SDK2: variants seen among roughly 807,000 people sequenced by gnomAD.
The protein encoded by SDK2 is protein sidekick-2.
Under a neutral mutation model 253.9 loss-of-function variants are expected in SDK2, and 105 were observed. That is an observed-to-expected ratio of 0.41 (90% CI 0.35 to 0.49). The LOEUF is 0.49. SDK2 is among the 20% of genes least tolerant of loss of function. The probability of loss-of-function intolerance (pLI) is 0.06; values close to 1 mark genes in which losing one functional copy is unlikely to be tolerated. For missense variants in SDK2, 2,608 were observed against 3,003.0 expected (o/e 0.87, Z 3.07); for synonymous variants, 1,249 against 1,234.9 (o/e 1.01, Z -0.24).
chr17:73,456,169 C>T, intron 3 of SDK2, 116 bp from the exon 4 acceptor site: 1 of 1,191,976 alleles, frequency 8.4e-7, no homozygotes, highest in Non-Finnish European at 1.1e-6. Context: ...GACAGGATGA[C>T]CACAGGGAAG....
chr17:73,472,013 T>C (rs1221133186), intron 3 of SDK2, 99 bp downstream of exon 3: 20 of 857,994 alleles, frequency 2.3e-5, no homozygotes, highest in Non-Finnish European at 3.5e-5. Context: ...TGGGTGTTGA[T>C]GGCCATGACG....
intron 27 of SDK2, 83 bp from the exon 28 acceptor site, chr17:73,391,621 G>T (rs1056845696): frequency 1.5e-6 from 1 of 655,284 alleles, no homozygotes; most frequent in Non-Finnish European, 2.2e-6. Context: ...GAGCAGCCTG[G>T]CAGGGTGGAG....
chr17:73,408,350 T>C (rs992065954), intron 18 of SDK2, among the ~76,000 whole-genome samples: 1 of 151,186 alleles, frequency 6.6e-6, no homozygotes, highest in African/African-American at 2.4e-5. Flanking sequence ...CCCGAGTAGC[T>C]GGGACTACAG....
intron 2 of SDK2, among the ~76,000 whole-genome samples, chr17:73,493,416 G>T (rs1200421363): frequency 6.6e-6 from 1 of 152,214 alleles, no homozygotes; most frequent in African/African-American, 2.4e-5. Flanking sequence ...GGGCCCCAGG[G>T]CTGCCAGGAT....
intron 18 of SDK2, 96 bp from the exon 19 acceptor site, chr17:73,402,237 C>T: frequency 7.5e-7 from 1 of 1,339,670 alleles, no homozygotes; most frequent in Non-Finnish European, 1.0e-6. Flanking sequence ...AGATGGTGTC[C>T]GGGGACCGGA....
intron 4 of SDK2, among the ~76,000 whole-genome samples, chr17:73,454,151 G>A (rs1567782220): frequency 6.6e-6 from 1 of 152,212 alleles, no homozygotes; most frequent in East Asian, 1.9e-4. Context: ...CTAGGTGTGT[G>A]TTCACACAAC....
chr17:73,387,661 G>A (rs2062883873), intron 30 of SDK2, among the ~76,000 whole-genome samples, 175 bp downstream of exon 30: 1 of 152,204 alleles, frequency 6.6e-6, no homozygotes, highest in African/African-American at 2.4e-5. Flanking sequence ...GAGCAGGATA[G>A]AGCTGATTTG....
rs2063980766 is a variant in SDK2, at chr17:73,511,555, G to T, written c.65-3958C>A. ...TGACTCTGGGGAGGAGGAGAGGGAA[G>T]GGGAGGCCTTTCCCTGAGAGCCTGC... On this transcript the variant is annotated intron_variant, in intron 1 of 44. Transcript: ENST00000392650. This position sits in a 1 kb window ranked among gnomAD's most constrained non-coding sequence, Gnocchi z 4.9. Among the ~76,000 whole-genome samples, 1 of 152,168 alleles carries T rather than the reference G, an allele frequency of 6.6e-6. No homozygotes were observed. The highest frequency in any genetic ancestry group is 1.5e-5 in the Non-Finnish European group (1 of 68,010).
rs539853362 is a variant in SDK2 at position 73,419,282 on chromosome 17, G to C, written c.2070C>G (p.Pro690=). The part of the protein sequence containing the change: ...TERVSLPEEP[P]TAPPQNVIAS... ...CGATGACGTTCTGTGGAGGGGCCGT[G>C]GGGGGCTCCTCGGGGAGGGAGACCC... The change falls in exon 16 of 45, where the codon CCC becomes CCG. Residue 690 remains proline, a synonymous_variant. Coordinates refer to ENST00000392650, the MANE Select transcript of SDK2 (RefSeq NM_001144952.2). 1.9e-6 allele frequency: 3 copies of C among 1,612,712 alleles called. No homozygotes were observed. Among genetic ancestry groups the C allele is most frequent in the African/African-American group, 1.3e-5 (1 of 75,002 alleles).
chr17:73,605,720 T>G (rs1479001758), intron 1 of SDK2, among the ~76,000 whole-genome samples: 1 of 151,886 alleles, frequency 6.6e-6, no homozygotes, highest in East Asian at 1.9e-4. Flanking sequence ...GGCACCGGGA[T>G]GACCTGTTTG....
chr17:73,419,923 A>C (rs887843259), intron 15 of SDK2, among the ~76,000 whole-genome samples: 12 of 150,744 alleles, frequency 8.0e-5, no homozygotes, highest in Non-Finnish European at 1.5e-4. Flanking sequence ...GGTGCCGTTG[A>C]GGGATGTAAG....
chr17:73,636,382 G>A (rs373510065), intron 1 of SDK2, among the ~76,000 whole-genome samples: 2 of 152,162 alleles, frequency 1.3e-5, no homozygotes, highest in East Asian at 1.9e-4. Flanking sequence ...CTAAACTGGG[G>A]AAGAAGCAAA....
rs1193221703 is a variant in SDK2 at position 73,395,731 on chromosome 17, T to C, written c.3355-339A>G. On this transcript the variant is annotated intron_variant, in intron 24 of 44. Transcript: ENST00000392650. This position sits in a 1 kb window ranked among gnomAD's most constrained non-coding sequence, Gnocchi z 4.3. ...CCGCCACCTTTGGCTCTGCTGTCTC[T>C]GCTGCTTACCTCTGTCACTCAGGCT... Among the ~76,000 whole-genome samples the C allele has an allele frequency of 6.6e-6, 1 of 152,250 alleles. No individual in the cohort carries two copies. The highest frequency in any genetic ancestry group is 1.9e-4 in the East Asian group (1 of 5,198).
intron 33 of SDK2, among the ~76,000 whole-genome samples, chr17:73,381,435 A>G (rs2062829723): frequency 6.6e-6 from 1 of 152,158 alleles, no homozygotes; most frequent in South Asian, 2.1e-4. Flanking sequence ...AGAAGGAAAA[A>G]AAGTCCACCA....
intron 12 of SDK2, 75 bp downstream of exon 12, chr17:73,430,436 A>G (rs2063317073): frequency 1.8e-6 from 2 of 1,130,026 alleles, no homozygotes; most frequent in Admixed American, 2.0e-5. Flanking sequence ...CCTAATGTGG[A>G]CACTCGCCCA....
rs754435436 is a variant in SDK2, at chr17:73,422,330, C to A, written c.2002G>T (p.Val668Phe). 1.2e-6 allele frequency: 2 copies of A among 1,613,954 alleles called. No individual in the cohort carries two copies. The highest frequency in any genetic ancestry group is 1.7e-5 in the Admixed American group (1 of 60,016). Residue 668 changes from valine to phenylalanine, a missense_variant, in exon 15 of 45, where the codon GTC becomes TTC. Coordinates refer to ENST00000392650, the MANE Select transcript of SDK2 (RefSeq NM_001144952.2). ...AACTGTCCTTTCCCCACGTCGTTGA[C>A]GGCACAAAGACGGAACTGGTAGGAG... ...ARSYQFRLCA[V>F]NDVGKGQFSK...
In SDK2 at chr17:73,412,173, T is replaced by C. The variant is rs528598602; in HGVS notation, c.2484+2471A>G. Among the ~76,000 whole-genome samples the C allele has an allele frequency of 2.3e-4, 33 of 144,900 alleles. No individual in the cohort carries two copies. In the South Asian group the frequency reaches 3.3e-3, roughly 14 times the overall value. On this transcript the variant is annotated intron_variant, in intron 18 of 44. Coordinates refer to ENST00000392650, the MANE Select transcript of SDK2 (RefSeq NM_001144952.2). ...ATATACGTATATATGTATATACACA[T>C]ATATGTATATGCACATACACACATA...
intron 5 of SDK2, among the ~76,000 whole-genome samples, chr17:73,442,829 AAG>A (rs1450477129): frequency 3.3e-5 from 5 of 151,804 alleles, no homozygotes; most frequent in East Asian, 1.9e-4. Context: ...GAAAAAAAAA[AAG>A]AGAGAGAAAC....
At chr17:73,450,451 G>A (rs757205511) in intron 4 of SDK2, among the ~76,000 whole-genome samples, 2 of 152,148 alleles carry the variant, frequency 1.3e-5, no homozygotes, top group Non-Finnish European at 2.9e-5. Context: ...ATTTTCATGA[G>A]CACTATGTGC....
Sources: allele counts gnomAD v4.1 joint callset (sites outside exome capture counted in the v4.1 genomes callset), GRCh38; gene constraint gnomAD v4.1.1; non-coding constraint Gnocchi (gnomAD v3.1); transcripts MANE v1.5; gene names NCBI Gene and HGNC (gene_info 2026-07-23, HGNC 2026-07-21).